Variants in GRIA1 observed in about 807,000 individuals in gnomAD.
The protein encoded by GRIA1 is glutamate ionotropic receptor AMPA type subunit 1, also known as glutamate receptor 1.
GRIA1 carries 31 observed loss-of-function variants against 99.2 expected under a neutral mutation model. The observed-to-expected ratio is 0.31, with a 90% CI of 0.23 to 0.42. The LOEUF is 0.42. Ranked by LOEUF, GRIA1 falls within the 10% of genes least tolerant of loss-of-function variation. GRIA1 has a pLI of 1.00. For missense variants in GRIA1, 782 were observed against 1,157.5 expected (o/e 0.68, Z 4.71); for synonymous variants, 438 against 432.4 (o/e 1.01, Z -0.16).
intron 2 of GRIA1, among the ~76,000 whole-genome samples, chr5:153,597,235 T>C (rs1443927993): frequency 6.6e-6 from 1 of 152,230 alleles, no homozygotes; most frequent in Non-Finnish European, 1.5e-5. Context: ...TTCCTTTGTA[T>C]ACTTCAACTC....
chr5:153,558,270 C>T (rs1760825878), intron 2 of GRIA1, among the ~76,000 whole-genome samples: 1 of 152,126 alleles, frequency 6.6e-6, no homozygotes, highest in South Asian at 2.1e-4. Flanking sequence ...GTAAAATTCA[C>T]TCCTTTTATA....
At chr5:153,594,536 T>C (rs1228914886) in intron 2 of GRIA1, among the ~76,000 whole-genome samples, 1 of 152,166 alleles carries the variant, frequency 6.6e-6, no homozygotes, top group East Asian at 1.9e-4. Flanking sequence ...GAGTGTATGT[T>C]TTTTTAATGT....
intron 11 of GRIA1, among the ~76,000 whole-genome samples, chr5:153,747,314 G>A (rs1438534271): frequency 3.3e-5 from 5 of 152,156 alleles, no homozygotes; most frequent in African/African-American, 1.2e-4. Flanking sequence ...GCAGTTGCAT[G>A]AACTGATGGA....
chr5:153,721,895 A>G (rs886388955), intron 11 of GRIA1, among the ~76,000 whole-genome samples: 1 of 152,180 alleles, frequency 6.6e-6, no homozygotes, highest in African/African-American at 2.4e-5. Flanking sequence ...TCCTGGGTCA[A>G]CTTATATATA....
intron 2 of GRIA1, among the ~76,000 whole-genome samples, chr5:153,510,757 G>A (rs543560298): frequency 2.3e-4 from 35 of 152,258 alleles, no homozygotes; most frequent in Admixed American, 1.0e-3. Flanking sequence ...GCAAGTACTA[G>A]AATAATCCTC....
At chr5:153,580,046 T>C (rs766610468) in intron 2 of GRIA1, among the ~76,000 whole-genome samples, 23 of 152,308 alleles carry the variant, frequency 1.5e-4, no homozygotes, top group Non-Finnish European at 2.9e-4. Context: ...AGGAGCCCAC[T>C]TGGGCAGGTG....
chr5:153,632,559 G>T (rs956311686), intron 2 of GRIA1, among the ~76,000 whole-genome samples: 5 of 152,138 alleles, frequency 3.3e-5, no homozygotes, highest in African/African-American at 1.2e-4. Context: ...CCTCATATTT[G>T]GGTTATGCAG....
At chr5:153,717,592 C>T (rs1759758293) in intron 11 of GRIA1, among the ~76,000 whole-genome samples, 1 of 152,106 alleles carries the variant, frequency 6.6e-6, no homozygotes, top group African/African-American at 2.4e-5. Context: ...ACTTTTGGGG[C>T]CCTGTACCCT....
In GRIA1 at chr5:153,755,257, T is replaced by G. The variant is rs545336392; in HGVS notation, c.1824-9177T>G. The G allele has an allele frequency of 5.3e-5, 8 of 152,276 alleles. No homozygotes were observed. The South Asian group carries it at 1.7e-3, about 32-fold the overall frequency. 9.4% of individuals were successfully genotyped at this position (152,276 alleles called of 1,614,324 possible). A position where few individuals can be genotyped will look rare whatever the true frequency, so the allele number is the denominator to read the frequency against. On this transcript the variant is annotated intron_variant, in intron 11 of 15. Transcript: ENST00000285900. ...AAAGCAACATGGTGCAATTAATATG[T>G]TTCAAAAGATCACTCTGGCTACCTT...
chr5:153,758,160 T>C (rs1362792461), intron 11 of GRIA1, among the ~76,000 whole-genome samples: 1 of 152,062 alleles, frequency 6.6e-6, no homozygotes, highest in Non-Finnish European at 1.5e-5. Context: ...GAATCTGTTT[T>C]TTGAAACTAG....
At chr5:153,781,484 C>T (rs371972190) in intron 13 of GRIA1, among the ~76,000 whole-genome samples, 24 of 152,234 alleles carry the variant, frequency 1.6e-4, no homozygotes, top group East Asian at 9.7e-4. Context: ...TCCAGGTCAA[C>T]GAAGCAAAGG....
At chr5:153,777,116 A>AG (rs1410330008) in intron 13 of GRIA1, among the ~76,000 whole-genome samples, 2 of 152,158 alleles carry the variant, frequency 1.3e-5, no homozygotes, top group Non-Finnish European at 2.9e-5. Context: ...GCCCTTTCCT[A>AG]GACTCTAATC....
intron 11 of GRIA1, among the ~76,000 whole-genome samples, chr5:153,746,555 T>C (rs1484200174): frequency 5.3e-5 from 8 of 152,108 alleles, no homozygotes; most frequent in Non-Finnish European, 1.2e-4. Context: ...TGGCCACAGA[T>C]GACAATGCAG....
At chr5:153,794,017 T>C (rs893643072) in intron 13 of GRIA1, among the ~76,000 whole-genome samples, 7 of 152,258 alleles carry the variant, frequency 4.6e-5, no homozygotes, top group African/African-American at 1.4e-4. Context: ...AGTGTTTAAT[T>C]ACACCTTAAT....
chr5:153,546,418 A>C (rs80283283), intron 2 of GRIA1, among the ~76,000 whole-genome samples: 1 of 152,170 alleles, frequency 6.6e-6, no homozygotes, highest in East Asian at 1.9e-4. Context: ...GAAGATGCTA[A>C]AGTCATTCCC....
rs761677542 is a variant in GRIA1, at chr5:153,490,678, T to C, written c.-211T>C. ...CTTCTTTTCCCGTGCTCAGTTAATC[T>C]GGCTGTCAGTTGGTGTTAACGCTGC... On this transcript the variant is annotated 5_prime_UTR_variant, in exon 1 of 16. Transcript: ENST00000285900. 1.6e-6 allele frequency: 1 copy of C among 623,064 alleles called. No individual in the cohort carries two copies. The highest frequency in any genetic ancestry group is 2.9e-6 in the Non-Finnish European group (1 of 346,088). 38.6% of individuals were successfully genotyped at this position (623,064 alleles called of 1,614,324 possible).
At chr5:153,760,887 C>A (rs1763138946) in intron 11 of GRIA1, among the ~76,000 whole-genome samples, 1 of 152,030 alleles carries the variant, frequency 6.6e-6, no homozygotes. Context: ...ACATTTACAG[C>A]CAACTGATTT....
rs552970860 is a variant in GRIA1 at position 153,578,392 on chromosome 5, TA to T, written c.221-68534del. 1.1e-3 allele frequency among the ~76,000 whole-genome samples: 166 copies of T among 152,108 alleles called. 1 individual carries two copies. Among genetic ancestry groups the T allele is most frequent in the Non-Finnish European group, 1.8e-3 (125 of 68,028 alleles). On this transcript the variant is annotated intron_variant, in intron 2 of 15. Coordinates refer to ENST00000285900, the MANE Select transcript of GRIA1 (RefSeq NM_000827.4). ...GGAGAATATTCTAGCCAAAAGGGAA[TA>T]ATTTGTGCAATGATTTGAAAAATGG...
chr5:153,663,929 G>T (rs974058366), intron 5 of GRIA1, among the ~76,000 whole-genome samples: 1 of 152,186 alleles, frequency 6.6e-6, no homozygotes, highest in Non-Finnish European at 1.5e-5. Context: ...GATTTGGAAT[G>T]GCCTTTTTCA....
Sources: allele counts gnomAD v4.1 joint callset (sites outside exome capture counted in the v4.1 genomes callset), GRCh38; gene constraint gnomAD v4.1.1; transcripts MANE v1.5; gene names NCBI Gene and HGNC (gene_info 2026-07-23, HGNC 2026-07-21).